EDIL3: variants seen among roughly 807,000 people sequenced by gnomAD.
EDIL3 encodes the protein EGF like and discoidin domains 3.
EDIL3 carries 37 observed loss-of-function variants against 67.4 expected under a neutral mutation model. The ratio of observed to expected loss-of-function variants is 0.55; its 90% CI spans 0.42 to 0.72. The LOEUF is 0.72. Ranked by LOEUF, EDIL3 falls within the 30% of genes least tolerant of loss-of-function variation. The pLI is 0.00. For missense variants in EDIL3, 527 were observed against 586.3 expected, an observed-to-expected ratio of 0.90 and a Z score of 1.04; for synonymous variants, 195 against 196.3, an observed-to-expected ratio of 0.99 and a Z score of 0.05.
intron 6 of EDIL3, among the ~76,000 whole-genome samples, chr5:84,081,473 A>G (rs976934259): frequency 1.1e-4 from 17 of 152,218 alleles, no homozygotes; most frequent in African/African-American, 3.9e-4. Flanking sequence ...CCCAATAAAA[A>G]CCACATTAGA....
intron 3 of EDIL3, among the ~76,000 whole-genome samples, chr5:84,210,975 T>C (rs1289472211): frequency 6.6e-6 from 1 of 152,230 alleles, no homozygotes; most frequent in African/African-American, 2.4e-5. Flanking sequence ...ACTATTGTAG[T>C]AGGTTGAATG....
intron 4 of EDIL3, among the ~76,000 whole-genome samples, chr5:84,177,858 T>G (rs889217034): frequency 1.2e-4 from 18 of 152,196 alleles, no homozygotes; most frequent in African/African-American, 4.3e-4. Context: ...AATAGACCTA[T>G]TAACTATATA....
At chr5:84,033,013 G>C (rs1311895494) in intron 9 of EDIL3, among the ~76,000 whole-genome samples, 2 of 152,122 alleles carry the variant, frequency 1.3e-5, no homozygotes, top group Non-Finnish European at 2.9e-5. Flanking sequence ...TGGCCCCTCT[G>C]TTGGTTTCAA....
chr5:84,234,373 T>A (rs930153089), intron 2 of EDIL3, among the ~76,000 whole-genome samples: 1 of 152,144 alleles, frequency 6.6e-6, no homozygotes, highest in African/African-American at 2.4e-5. Context: ...CTCCTTGACT[T>A]CCTTCCTTTC....
chr5:84,254,255 C>A, intron 1 of EDIL3, 43 bp from the exon 2 acceptor site: 1 of 1,557,746 alleles, frequency 6.4e-7, no homozygotes, highest in South Asian at 1.2e-5. Flanking sequence ...TTTTTTTTGT[C>A]TTGGACATTG....
chr5:84,048,429 T>A (rs1467286191), intron 9 of EDIL3, among the ~76,000 whole-genome samples: 8 of 152,066 alleles, frequency 5.3e-5, no homozygotes, highest in Non-Finnish European at 1.2e-4. Context: ...TCTTATACAT[T>A]TTCACAAAAT....
At chr5:84,229,550 T>C (rs1179834540) in intron 3 of EDIL3, among the ~76,000 whole-genome samples, 1 of 152,178 alleles carries the variant, frequency 6.6e-6, no homozygotes, top group African/African-American at 2.4e-5. Context: ...TATTTTTCTG[T>C]ATTTTTCTCA....
intron 3 of EDIL3, among the ~76,000 whole-genome samples, chr5:84,203,956 G>A (rs1743904489): frequency 6.6e-6 from 1 of 152,134 alleles, no homozygotes; most frequent in Non-Finnish European, 1.5e-5. Context: ...AACGGTTCTT[G>A]CAGATACTGA....
chr5:83,954,435 C>A (rs1744476244), intron 10 of EDIL3, among the ~76,000 whole-genome samples: 1 of 151,588 alleles, frequency 6.6e-6, no homozygotes, highest in African/African-American at 2.4e-5. Flanking sequence ...TGAGTTCTTG[C>A]TCTATTAGTT....
chr5:84,056,737 T>C (rs772087486), intron 9 of EDIL3, among the ~76,000 whole-genome samples: 5 of 151,978 alleles, frequency 3.3e-5, no homozygotes, highest in Non-Finnish European at 5.9e-5. Flanking sequence ...AGGAAGGGAA[T>C]TTAAGTGGCA....
intron 1 of EDIL3, among the ~76,000 whole-genome samples, chr5:84,287,703 C>A (rs1745835445): frequency 6.6e-6 from 1 of 152,108 alleles, no homozygotes; most frequent in South Asian, 2.1e-4. Context: ...AAATCTTAGT[C>A]ATCTTCTTAC....
In EDIL3 at chr5:84,060,488, A is replaced by G. The variant is rs771246461; in HGVS notation, c.953-4T>C. 6.2e-7 allele frequency: 1 copy of G among 1,612,758 alleles called. No individual in the cohort carries two copies. Among genetic ancestry groups the G allele is most frequent in the African/African-American group, 1.3e-5 (1 of 74,972 alleles). ...ATACCCAGAGGCTCAGAACAACCTG[A>G]AAGAAAATGAGAAGGGCTCCATGAG... On this transcript the variant is annotated splice_polypyrimidine_tract_variant and splice_region_variant and intron_variant, in intron 8 of 10. Coordinates refer to ENST00000296591, the MANE Select transcript of EDIL3 (RefSeq NM_005711.5).
chr5:84,290,015 T>C (rs1312595525), intron 1 of EDIL3, among the ~76,000 whole-genome samples: 1 of 152,206 alleles, frequency 6.6e-6, no homozygotes, highest in Non-Finnish European at 1.5e-5. Flanking sequence ...TAACAGATTG[T>C]GGAGGATGCT....
intron 1 of EDIL3, among the ~76,000 whole-genome samples, chr5:84,336,271 T>C (rs1746983649): frequency 6.6e-6 from 1 of 152,104 alleles, no homozygotes; most frequent in Non-Finnish European, 1.5e-5. Flanking sequence ...TACATGTAGT[T>C]GAAGAACAGG....
chr5:84,250,774 A>T (rs1391605379), intron 2 of EDIL3, among the ~76,000 whole-genome samples: 1 of 152,230 alleles, frequency 6.6e-6, no homozygotes, highest in African/African-American at 2.4e-5. Context: ...TTCTAAGCAA[A>T]TATAAATGAG....
At chr5:84,028,694 G>T (rs932858300) in intron 9 of EDIL3, among the ~76,000 whole-genome samples, 2 of 152,000 alleles carry the variant, frequency 1.3e-5, no homozygotes, top group South Asian at 2.1e-4. Context: ...GTATGTATAT[G>T]TGTGTAAAAT....
intron 5 of EDIL3, among the ~76,000 whole-genome samples, chr5:84,122,651 T>C (rs1370364055): frequency 6.6e-6 from 1 of 151,726 alleles, no homozygotes; most frequent in Non-Finnish European, 1.5e-5. Flanking sequence ...AATGACACGC[T>C]GGGGGTGTTC....
At chr5:84,381,624 C>T (rs1421026685) in intron 1 of EDIL3, among the ~76,000 whole-genome samples, 2 of 151,948 alleles carry the variant, frequency 1.3e-5, no homozygotes, top group Non-Finnish European at 2.9e-5. Flanking sequence ...AATGCAAATG[C>T]CAATGATTCA....
intron 9 of EDIL3, among the ~76,000 whole-genome samples, chr5:83,977,684 C>G (rs1744898884): frequency 6.6e-6 from 1 of 151,738 alleles, no homozygotes; most frequent in African/African-American, 2.4e-5. Flanking sequence ...ACAATTTTTA[C>G]TACATTTTAA....
Sources: gnomAD v4.1 joint callset for allele counts (sites outside exome capture counted in the v4.1 genomes callset) on GRCh38, gnomAD v4.1.1 for gene constraint, MANE v1.5 for transcripts, NCBI Gene and HGNC (gene_info 2026-07-23, HGNC 2026-07-21) for gene names.